Variants in PCSK5 observed in about 807,000 individuals in gnomAD.
The protein encoded by PCSK5 is proprotein convertase subtilisin/kexin type 5, also known as prohormone convertase 5.
A neutral mutation model predicts 233.2 loss-of-function variants in PCSK5; 129 were observed. The observed-to-expected ratio is 0.55, with a 90% CI of 0.48 to 0.64. The LOEUF is 0.64. PCSK5 is among the 30% of genes least tolerant of loss of function. The pLI is 0.00. For missense variants in PCSK5, 2,076 were observed against 2,430.1 expected (o/e 0.85, Z 3.06); for synonymous variants, 825 against 879.2 (o/e 0.94, Z 1.09).
At chr9:76,351,524 G>C (rs1830151851) in intron 36 of PCSK5, among the ~76,000 whole-genome samples, 1 of 116,040 alleles carries the variant, frequency 8.6e-6, no homozygotes, top group Non-Finnish European at 1.7e-5. Flanking sequence ...AAGAAAGAAA[G>C]AAAGAAAGGA....
chr9:75,970,072 C>T (rs1336842973), intron 2 of PCSK5, among the ~76,000 whole-genome samples: 1 of 151,980 alleles, frequency 6.6e-6, no homozygotes, highest in African/African-American at 2.4e-5. Flanking sequence ...GGGGTTTCAC[C>T]ATGTTGGCCA....
At chr9:75,930,491 A>T (rs1439948979) in intron 1 of PCSK5, among the ~76,000 whole-genome samples, 1 of 152,124 alleles carries the variant, frequency 6.6e-6, no homozygotes. Context: ...TTAATACAAT[A>T]TTATTATTCT....
At chr9:75,948,902 G>T (rs2131318485) in intron 2 of PCSK5, among the ~76,000 whole-genome samples, 1 of 152,054 alleles carries the variant, frequency 6.6e-6, no homozygotes, top group Non-Finnish European at 1.5e-5. Flanking sequence ...AAGGCACTGA[G>T]CTAGACATCA....
intron 3 of PCSK5, among the ~76,000 whole-genome samples, chr9:76,022,374 C>T (rs1356820162): frequency 6.6e-6 from 1 of 152,188 alleles, no homozygotes; most frequent in Non-Finnish European, 1.5e-5. Flanking sequence ...GAATCCATGG[C>T]AGTGAAGTCT....
intron 8 of PCSK5, among the ~76,000 whole-genome samples, chr9:76,104,177 CT>C (rs1831882692): frequency 6.6e-6 from 1 of 152,124 alleles, no homozygotes; most frequent in Non-Finnish European, 1.5e-5. Flanking sequence ...GATGCTGTGG[CT>C]TCTCTTAATG....
chr9:76,060,122 GAAAC>G (rs1829973924), intron 5 of PCSK5, among the ~76,000 whole-genome samples: 1 of 152,102 alleles, frequency 6.6e-6, no homozygotes, highest in Non-Finnish European at 1.5e-5. Flanking sequence ...GCTGCAAAAA[GAAAC>G]AGAGCAAAGA....
intron 16 of PCSK5, among the ~76,000 whole-genome samples, chr9:76,183,379 G>T (rs1823961230): frequency 2.0e-5 from 3 of 151,388 alleles, no homozygotes; most frequent in Admixed American, 2.0e-4. Flanking sequence ...TGTACAACAT[G>T]ATGATCACAT....
Position 76,275,627 on chromosome 9 carries a change from G to A in PCSK5, c.3143-16606G>A, listed in dbSNP as rs1827666286. Among the ~76,000 whole-genome samples the A allele has an allele frequency of 1.3e-5, 2 of 152,268 alleles. 1 individual carries two copies. The highest frequency in any genetic ancestry group is 6.8e-3 in the Middle Eastern group (2 of 294). On this transcript the variant is annotated intron_variant, in intron 24 of 37. Coordinates refer to ENST00000674117, the MANE Select transcript of PCSK5 (RefSeq NM_001372043.1). ...TTTAGTAGAGACAGGGTTTCACCAT[G>A]TTGGCCAGGCTGGCCTCAAACTCCT...
intron 9 of PCSK5, among the ~76,000 whole-genome samples, chr9:76,118,801 A>C (rs990120413): frequency 1.3e-5 from 2 of 151,990 alleles, no homozygotes; most frequent in Admixed American, 1.3e-4. Context: ...TACACAGCCA[A>C]CTTTAAGCAT....
chr9:76,152,318 C>T (rs867198266), intron 10 of PCSK5, among the ~76,000 whole-genome samples: 17 of 152,162 alleles, frequency 1.1e-4, no homozygotes, highest in African/African-American at 3.6e-4. Flanking sequence ...TCTCCCTGGT[C>T]ATAAGGAATA....
At chr9:75,970,729 C>G (rs947903314) in intron 2 of PCSK5, among the ~76,000 whole-genome samples, 3 of 152,082 alleles carry the variant, frequency 2.0e-5, no homozygotes, top group Non-Finnish European at 4.4e-5. Context: ...TCAAATAATT[C>G]TCCTGCCTCA....
chr9:76,236,289 G>A (rs757799113), intron 22 of PCSK5, among the ~76,000 whole-genome samples: 12 of 151,962 alleles, frequency 7.9e-5, no homozygotes, highest in Non-Finnish European at 1.3e-4. Flanking sequence ...TTCTTCTATG[G>A]ACATCCAATA....
intron 29 of PCSK5, among the ~76,000 whole-genome samples, chr9:76,310,298 C>T (rs1828828034): frequency 6.6e-6 from 1 of 151,150 alleles, no homozygotes; most frequent in South Asian, 2.1e-4. Flanking sequence ...ACAAGATGGG[C>T]TTTGGGGAAG....
intron 6 of PCSK5, among the ~76,000 whole-genome samples, chr9:76,069,774 T>G (rs975148948): frequency 3.3e-5 from 5 of 152,190 alleles, no homozygotes; most frequent in Admixed American, 1.3e-4. Flanking sequence ...AATTACTGTG[T>G]TTGTTTCAGA....
chr9:75,903,132 A>G (rs1358347450), intron 1 of PCSK5, among the ~76,000 whole-genome samples: 3 of 152,216 alleles, frequency 2.0e-5, no homozygotes, highest in African/African-American at 7.2e-5. Context: ...CGTATTTTAT[A>G]TAGTACAACA....
chr9:76,236,406 TC>T (rs1826254349), intron 22 of PCSK5, among the ~76,000 whole-genome samples: 1 of 152,188 alleles, frequency 6.6e-6, no homozygotes, highest in African/African-American at 2.4e-5. Context: ...CAAACTCTTG[TC>T]CCCTATTATC....
chr9:76,336,644 C>A (rs1042819036), intron 34 of PCSK5, among the ~76,000 whole-genome samples: 4 of 152,088 alleles, frequency 2.6e-5, no homozygotes, highest in Non-Finnish European at 4.4e-5. Context: ...ATAATAATAC[C>A]TAAATCATAA....
chr9:76,214,111 A>G lies in PCSK5; in HGVS notation c.2627-13392A>G, dbSNP rs567963020. ...GACAAGACTTAGATTTGAACACTTG[A>G]TTCTACATTGGCTAGTTTTCTTGAT... On this transcript the variant is annotated intron_variant, in intron 20 of 37. Transcript: ENST00000674117. Among the ~76,000 whole-genome samples, 6 of 152,252 alleles carry G rather than the reference A, an allele frequency of 3.9e-5. No individual in the cohort carries two copies. In the East Asian group the frequency reaches 7.7e-4, roughly 20 times the overall value.
At position 76,096,112 on chromosome 9, in the gene PCSK5, A is replaced by G; in HGVS notation, c.1107+10A>G. On this transcript the variant is annotated intron_variant, in intron 8 of 37. Transcript: ENST00000674117. ...CTACGATAAGAAAATCGTACGTGAC[A>G]TGTGCATGCCCATCATGATCTGTTT... 1 of 1,587,920 alleles carries G rather than the reference A, an allele frequency of 6.3e-7. No homozygotes were observed. Among genetic ancestry groups the G allele is most frequent in the Non-Finnish European group, 8.6e-7 (1 of 1,156,586 alleles).
Sources: gnomAD v4.1 joint callset for allele counts (sites outside exome capture counted in the v4.1 genomes callset) on GRCh38, gnomAD v4.1.1 for gene constraint, MANE v1.5 for transcripts, NCBI Gene and HGNC (gene_info 2026-07-23, HGNC 2026-07-21) for gene names.